The following PCDH15 variants were observed in gnomAD, a reference collection of about 807,000 sequenced individuals.
PCDH15 encodes protocadherin related 15.
In PCDH15, 129 loss-of-function variants were observed where a neutral mutation model predicts 178.5. The observed-to-expected ratio is 0.72, with a 90% CI of 0.63 to 0.84. The LOEUF (loss-of-function observed/expected upper bound fraction) is 0.84, where lower values mean the gene tolerates loss of function less well. Ranked by LOEUF, PCDH15 falls within the 40% of genes least tolerant of loss-of-function variation. The probability of loss-of-function intolerance (pLI) is 0.00; values close to 1 mark genes in which losing one functional copy is unlikely to be tolerated. For synonymous variants in PCDH15, 800 were observed against 732.0 expected, an observed-to-expected ratio of 1.09 and a Z score of -1.50; for missense variants, 2,230 against 2,099.9, an observed-to-expected ratio of 1.06 and a Z score of -1.21.
intron 16 of PCDH15, among the ~76,000 whole-genome samples, chr10:54,081,773 A>C (rs1337691031): frequency 6.6e-6 from 1 of 152,190 alleles, no homozygotes. Flanking sequence ...CAATTGATAA[A>C]GCATCAATAA....
At chr10:54,409,944 T>C (rs908079499) in intron 3 of PCDH15, among the ~76,000 whole-genome samples, 5 of 152,108 alleles carry the variant, frequency 3.3e-5, no homozygotes, top group African/African-American at 9.7e-5. Context: ...CTTCCAAGCC[T>C]CCAGAACCAT....
chr10:54,152,204 T>C (rs1419577404), intron 14 of PCDH15, among the ~76,000 whole-genome samples: 1 of 152,122 alleles, frequency 6.6e-6, no homozygotes, highest in African/African-American at 2.4e-5. Context: ...ACATAAACAC[T>C]AGTAGAAAAC....
chr10:55,544,227 T>C (rs1841831106), intron 2 of PCDH15, among the ~76,000 whole-genome samples: 1 of 147,396 alleles, frequency 6.8e-6, no homozygotes, highest in Non-Finnish European at 1.5e-5. Context: ...CACTTATACA[T>C]GTATATATAG....
At chr10:55,084,146 G>A (rs1252413409) in intron 2 of PCDH15, among the ~76,000 whole-genome samples, 2 of 151,812 alleles carry the variant, frequency 1.3e-5, no homozygotes, top group African/African-American at 4.8e-5. Context: ...GGAAACTGGA[G>A]AAATCACATT....
At chr10:55,008,575 T>C (rs766784712) in intron 2 of PCDH15, among the ~76,000 whole-genome samples, 6 of 152,108 alleles carry the variant, frequency 3.9e-5, no homozygotes, top group Non-Finnish European at 8.8e-5. Flanking sequence ...CTAACTGCAG[T>C]ATTTGTAGGG....
chr10:54,195,438 T>A (rs577531107), intron 11 of PCDH15, among the ~76,000 whole-genome samples: 7 of 152,286 alleles, frequency 4.6e-5, no homozygotes, highest in Admixed American at 3.9e-4. Flanking sequence ...TAAATAAACA[T>A]CAAGTAAAAC....
intron 2 of PCDH15, among the ~76,000 whole-genome samples, chr10:54,982,446 T>G (rs145946737): frequency 1.4e-3 from 209 of 152,264 alleles, no homozygotes; most frequent in African/African-American, 4.6e-3. Context: ...ATTATTCACT[T>G]GAGATAAAAC....
intron 2 of PCDH15, among the ~76,000 whole-genome samples, chr10:55,586,592 T>C (rs1842730982): frequency 6.6e-6 from 1 of 152,176 alleles, no homozygotes; most frequent in Non-Finnish European, 1.5e-5. Flanking sequence ...TAAATGTTAA[T>C]ATTACTAATC....
chr10:53,854,916 G>T (rs78829048), intron 28 of PCDH15, among the ~76,000 whole-genome samples: 2 of 151,926 alleles, frequency 1.3e-5, no homozygotes, highest in Non-Finnish European at 2.9e-5. Context: ...ACAATGATAC[G>T]ATTCTCTCAA....
At chr10:54,272,038 T>G (rs796915707) in intron 8 of PCDH15, among the ~76,000 whole-genome samples, 8 of 102,794 alleles carry the variant, frequency 7.8e-5, no homozygotes, top group African/African-American at 1.2e-4. Context: ...TATAATATAT[T>G]ATATATATAT....
At chr10:53,937,550 T>C (rs1322170145) in intron 25 of PCDH15, among the ~76,000 whole-genome samples, 1 of 152,206 alleles carries the variant, frequency 6.6e-6, no homozygotes, top group Admixed American at 6.6e-5. Flanking sequence ...ATGTGAGTGA[T>C]GCATAATTAT....
intron 3 of PCDH15, among the ~76,000 whole-genome samples, chr10:54,493,716 A>T (rs1055672176): frequency 1.3e-5 from 2 of 152,068 alleles, no homozygotes; most frequent in African/African-American, 4.8e-5. Flanking sequence ...ATACCATTTG[A>T]CCCAGCCATC....
At chr10:54,412,371 T>A (rs189057937) in intron 3 of PCDH15, among the ~76,000 whole-genome samples, 1 of 152,116 alleles carries the variant, frequency 6.6e-6, no homozygotes, top group Admixed American at 6.6e-5. Context: ...TTGCAAGAGA[T>A]GTTTCACAAA....
chr10:54,295,887 G>A (rs1469732042), intron 8 of PCDH15, among the ~76,000 whole-genome samples: 2 of 152,026 alleles, frequency 1.3e-5, no homozygotes, highest in Non-Finnish European at 2.9e-5. Context: ...GCTCACGCCT[G>A]TAATCCCAGC....
At chr10:54,051,946 C>T (rs2610880) in intron 18 of PCDH15, among the ~76,000 whole-genome samples, 31,686 of 152,178 alleles carry the variant, frequency 0.21, 3,484 homozygotes, top group Non-Finnish European at 0.23. Flanking sequence ...CCAGGTGTTG[C>T]TTCAGAGGGC....
At chr10:53,915,650 C>T (rs2083468783) in intron 25 of PCDH15, among the ~76,000 whole-genome samples, 2 of 152,112 alleles carry the variant, frequency 1.3e-5, no homozygotes, top group African/African-American at 4.8e-5. Flanking sequence ...ACCTCCACCT[C>T]CCGAGTTCAA....
intron 1 of PCDH15, among the ~76,000 whole-genome samples, chr10:55,206,518 G>T (rs983344473): frequency 2.0e-5 from 3 of 152,104 alleles, no homozygotes; most frequent in Non-Finnish European, 4.4e-5. Context: ...TTGAGTTTCA[G>T]TGCAGGCTTG....
At chr10:54,242,836 C>T (rs976822181) in intron 8 of PCDH15, among the ~76,000 whole-genome samples, 2 of 152,148 alleles carry the variant, frequency 1.3e-5, no homozygotes, top group Admixed American at 6.6e-5. Context: ...TGTTCTGATA[C>T]ATCCCTGGAA....
chr10:54,025,352 ACTT>A (rs1229052490), intron 18 of PCDH15, among the ~76,000 whole-genome samples: 14 of 152,156 alleles, frequency 9.2e-5, no homozygotes, highest in Admixed American at 6.5e-4. Flanking sequence ...AGGAGAAACA[ACTT>A]CTTTGCTCAT....
Sources: allele counts gnomAD v4.1 joint callset (sites outside exome capture counted in the v4.1 genomes callset), GRCh38; gene constraint gnomAD v4.1.1; transcripts MANE v1.5; gene names NCBI Gene and HGNC (gene_info 2026-07-23, HGNC 2026-07-21).